Variants in FNBP1 observed in about 807,000 individuals in gnomAD.
FNBP1 encodes formin binding protein 1.
In FNBP1, 26 loss-of-function variants were observed where a neutral mutation model predicts 90.6. The ratio of observed to expected loss-of-function variants is 0.29; its 90% CI spans 0.21 to 0.40. The LOEUF (loss-of-function observed/expected upper bound fraction) is 0.40, where lower values mean the gene tolerates loss of function less well. Among genes scored for constraint, FNBP1 ranks in the 10% least tolerant of loss-of-function variants. The probability of loss-of-function intolerance (pLI) is 1.00; values close to 1 mark genes in which losing one functional copy is unlikely to be tolerated. For missense variants in FNBP1, 635 were observed against 768.0 expected (o/e 0.83, Z 2.05); for synonymous variants, 260 against 265.2 (o/e 0.98, Z 0.19).
chr9:130,011,243 AATAT>A (rs1589249829), intron 1 of FNBP1, among the ~76,000 whole-genome samples: 8 of 42,248 alleles, frequency 1.9e-4, no homozygotes, highest in African/African-American at 5.0e-4. Flanking sequence ...AAAAAAAAAA[AATAT>A]ATATATATAT....
intron 2 of FNBP1, among the ~76,000 whole-genome samples, chr9:129,992,324 C>T (rs575817163): frequency 9.2e-5 from 14 of 152,274 alleles, no homozygotes; most frequent in Admixed American, 2.0e-4. Context: ...ATGTTCTATT[C>T]CTACTTTCAG....
At chr9:129,901,382 CA>C (rs1367837621) in intron 13 of FNBP1, among the ~76,000 whole-genome samples, 1 of 151,542 alleles carries the variant, frequency 6.6e-6, no homozygotes, top group East Asian at 1.9e-4. Context: ...ATTAAAAATA[CA>C]AAAATTAGCT....
At position 130,043,019 on chromosome 9, in the gene FNBP1, T is replaced by A; in HGVS notation, c.-44A>T. On this transcript the variant is annotated 5_prime_UTR_variant, in exon 1 of 17. Coordinates refer to ENST00000446176, the MANE Select transcript of FNBP1 (RefSeq NM_015033.3). ...GGGCGCTCCGCGCGGCGGGCGCGGC[T>A]CTCTGGTCCCCCTCCCCGGCGATCC... The A allele has an allele frequency of 2.0e-5, 24 of 1,223,272 alleles. No homozygotes were observed. The highest frequency in any genetic ancestry group is 2.3e-5 in the Non-Finnish European group (23 of 982,500). 75.8% of individuals were successfully genotyped at this position (1,223,272 alleles called of 1,614,324 possible).
intron 11 of FNBP1, among the ~76,000 whole-genome samples, chr9:129,915,552 TG>T (rs2040131320): frequency 6.6e-6 from 1 of 152,120 alleles, no homozygotes; most frequent in South Asian, 2.1e-4. Flanking sequence ...TTTGTAGAGA[TG>T]GGGTTTCACC....
At chr9:129,972,429 T>C (rs1438633136) in intron 4 of FNBP1, among the ~76,000 whole-genome samples, 1 of 152,150 alleles carries the variant, frequency 6.6e-6, no homozygotes, top group African/African-American at 2.4e-5. Context: ...TGAGCCACTG[T>C]GCCTGGCCCA....
intron 10 of FNBP1, among the ~76,000 whole-genome samples, chr9:129,917,645 A>T (rs753359695): frequency 1.3e-5 from 2 of 152,222 alleles, no homozygotes; most frequent in Non-Finnish European, 2.9e-5. Context: ...TAAAAAACTA[A>T]TTCTTAATTT....
At position 129,893,625 on chromosome 9, in the gene FNBP1, A is replaced by AAAAAAAAAAAAAAAAAAAAAAAAAAAAAC. The variant is rs2035339528; in HGVS notation, c.1846+2212_1846+2213insGTTTTTTTTTTTTTTTTTTTTTTTTTTTT. 1.5e-5 allele frequency among the ~76,000 whole-genome samples: 2 copies of AAAAAAAAAAAAAAAAAAAAAAAAAAAAAC among 132,542 alleles called. 1 individual carries two copies. 87.0% of individuals were successfully genotyped at this position (132,542 alleles called of 152,430 possible). On this transcript the variant is annotated intron_variant, in intron 16 of 16. Coordinates refer to ENST00000446176, the MANE Select transcript of FNBP1 (RefSeq NM_015033.3). Reference sequence around the variant, plus strand: ...GAGACTCTGTCTCAAAAAAAAAAAAAAAAAAAAAAAAAGCCAGGCACGGGC... The same window carrying AAAAAAAAAAAAAAAAAAAAAAAAAAAAAC: ...GAGACTCTGTCTCAAAAAAAAAAAAAAAAAAAAAAAAAAAAAAAAAAAAAAAAACAAAAAAAAAAAAGCCAGGCACGGGC...
chr9:129,896,756 C>T (rs868664991), intron 15 of FNBP1, among the ~76,000 whole-genome samples: 9 of 152,110 alleles, frequency 5.9e-5, no homozygotes, highest in South Asian at 2.1e-4. Context: ...CTCGGCCTCC[C>T]GAGTAGCTGA....
At chr9:129,891,005 A>G (rs1205523994) in intron 16 of FNBP1, among the ~76,000 whole-genome samples, 1 of 152,000 alleles carries the variant, frequency 6.6e-6, no homozygotes, top group Non-Finnish European at 1.5e-5. Context: ...AAATACAACA[A>G]TTAGCCTGGC....
At chr9:129,989,498 C>T (rs1260400667) in intron 2 of FNBP1, among the ~76,000 whole-genome samples, 2 of 152,312 alleles carry the variant, frequency 1.3e-5, no homozygotes, top group South Asian at 2.1e-4. Context: ...TTACTGGGCA[C>T]CTACTATGTG....
At chr9:130,045,132 A>C (rs1237880154), upstream of FNBP1, 2 of 151,816 alleles carry the variant, frequency 1.3e-5, no homozygotes, top group Non-Finnish European at 2.9e-5. Flanking sequence ...GCCCACCCCC[A>C]TTCTTGTGTC....
rs2044440868 is a variant in FNBP1 at position 129,942,287 on chromosome 9, G to A, written c.514-12592C>T. The stretch of plus-strand genomic sequence containing the variant: ...AGAAGGAAATTTAACTCCAAAAGGA[G>A]TGACATGGAAGATGTGACAACACTT... On this transcript the variant is annotated intron_variant, in intron 6 of 16. Coordinates refer to ENST00000446176, the MANE Select transcript of FNBP1 (RefSeq NM_015033.3). 3.3e-5 allele frequency among the ~76,000 whole-genome samples: 5 copies of A among 152,174 alleles called. No homozygotes were observed. The South Asian group carries it at 1.0e-3, about 32-fold the overall frequency.
intron 12 of FNBP1, among the ~76,000 whole-genome samples, chr9:129,908,172 T>A (rs1014465800): frequency 1.4e-5 from 2 of 138,686 alleles, no homozygotes; most frequent in Non-Finnish European, 3.2e-5. Context: ...AGAGATGGGG[T>A]CTCACTATGT....
At chr9:129,897,018 C>T (rs1051866870) in intron 15 of FNBP1, among the ~76,000 whole-genome samples, 4 of 152,230 alleles carry the variant, frequency 2.6e-5, no homozygotes, top group Non-Finnish European at 5.9e-5. Flanking sequence ...CCACTGTCTG[C>T]AGCACACTGC....
chr9:129,958,359 G>A, intron 5 of FNBP1, 132 bp downstream of exon 5: 1 of 647,610 alleles, frequency 1.5e-6, no homozygotes, highest in South Asian at 1.7e-5. Flanking sequence ...TTGAACCTGG[G>A]AAGCAGAGGT....
intron 6 of FNBP1, among the ~76,000 whole-genome samples, chr9:129,932,631 T>C (rs911093491): frequency 6.6e-6 from 1 of 152,154 alleles, no homozygotes; most frequent in African/African-American, 2.4e-5. Context: ...GATCTGTCGG[T>C]GCCATTTTAT....
chr9:129,933,614 AG>A (rs2043056815), intron 6 of FNBP1: 1 of 152,244 alleles, frequency 6.6e-6, no homozygotes, highest in African/African-American at 2.4e-5. Flanking sequence ...TAAGCTGTGT[AG>A]AAGATAATAA....
intron 5 of FNBP1, 64 bp downstream of exon 5, chr9:129,958,427 G>A (rs556455844): frequency 5.8e-5 from 73 of 1,264,946 alleles, no homozygotes; most frequent in East Asian, 5.4e-4. Flanking sequence ...GGGAGCCTCC[G>A]TCTCAAAAAA....
At chr9:129,993,991 T>G (rs7019010) in intron 2 of FNBP1, among the ~76,000 whole-genome samples, 1 of 152,114 alleles carries the variant, frequency 6.6e-6, no homozygotes, top group African/African-American at 2.4e-5. Flanking sequence ...TGTGAATTAG[T>G]ACAAGCACAC....
Sources: gnomAD v4.1 joint callset for allele counts (sites outside exome capture counted in the v4.1 genomes callset) on GRCh38, gnomAD v4.1.1 for gene constraint, MANE v1.5 for transcripts, NCBI Gene and HGNC (gene_info 2026-07-23, HGNC 2026-07-21) for gene names.